The following DCTN4 variants were observed in gnomAD, a reference collection of about 807,000 sequenced individuals.
DCTN4 encodes dynactin 4 (p62).
In DCTN4, 23 loss-of-function variants were observed where a neutral mutation model predicts 62.7. That is an observed-to-expected ratio of 0.37 (90% CI 0.26 to 0.52). The LOEUF (loss-of-function observed/expected upper bound fraction) is 0.52. Among genes scored for constraint, DCTN4 ranks in the 20% least tolerant of loss-of-function variants. DCTN4 has a pLI of 0.92. For missense variants in DCTN4, 514 were observed against 580.4 expected (o/e 0.89, Z 1.18); for synonymous variants, 199 against 202.1 (o/e 0.98, Z 0.13).
rs1259666839 is a variant in DCTN4 at position 150,758,976 on chromosome 5, C to T, written c.18G>A (p.Gln6=). 4 of 1,614,016 alleles carry T rather than the reference C, an allele frequency of 2.5e-6. No individual in the cohort carries two copies. Among genetic ancestry groups the T allele is most frequent in the East Asian group, 2.2e-5 (1 of 44,892 alleles). MASLL[Q]SDRVLYLVQG... is the part of the protein sequence containing the mutation. Reference sequence around the variant, plus strand: ...GGACTAGATAGAGAACCCGGTCCGACTGCAGCAAGGACGCCATCTTGGGGA... The same window carrying T: ...GGACTAGATAGAGAACCCGGTCCGATTGCAGCAAGGACGCCATCTTGGGGA... Residue 6 remains glutamine (Q), a synonymous_variant, in exon 1 of 13, where the codon CAG becomes CAA. Transcript: ENST00000447998.
At chr5:150,747,582 C>G (rs1358472168) in intron 3 of DCTN4, among the ~76,000 whole-genome samples, 13 of 152,074 alleles carry the variant, frequency 8.5e-5, no homozygotes, top group African/African-American at 3.1e-4. Flanking sequence ...GTACTGGTAC[C>G]AAAACAGAGA....
chr5:150,718,717 G>C (rs1023316666), intron 10 of DCTN4, among the ~76,000 whole-genome samples: 1 of 152,092 alleles, frequency 6.6e-6, no homozygotes, highest in South Asian at 2.1e-4. Context: ...GACTGAAAAG[G>C]AGGCCCTCAT....
chr5:150,730,610 T>TAAGA (rs1401184867), intron 8 of DCTN4, 21 bp downstream of exon 8: 1 of 1,604,922 alleles, frequency 6.2e-7, no homozygotes, highest in Non-Finnish European at 8.5e-7. Flanking sequence ...AAATGGTCAG[T>TAAGA]CTACAGAATG....
At chr5:150,740,143 G>A (rs1199392402) in intron 4 of DCTN4, among the ~76,000 whole-genome samples, 1 of 152,136 alleles carries the variant, frequency 6.6e-6, no homozygotes, top group Non-Finnish European at 1.5e-5. Flanking sequence ...AGCCCATAGA[G>A]TGGGAGAAAA....
intron 8 of DCTN4, among the ~76,000 whole-genome samples, chr5:150,727,877 T>G (rs1458241596): frequency 1.3e-5 from 2 of 151,242 alleles, no homozygotes; most frequent in East Asian, 3.9e-4. Context: ...TTCAGCTAAA[T>G]AAAGCATTTT....
rs550847723 is a variant in DCTN4, at chr5:150,733,273, C to T, written c.537+95G>A. The T allele has an allele frequency of 1.4e-5, 11 of 782,146 alleles. No homozygotes were observed. The African/African-American group carries it at 1.9e-4, about 14-fold the overall frequency. 48.5% of individuals were successfully genotyped at this position (782,146 alleles called of 1,614,324 possible). ...GAAGAATCCCTCTCTCTGATATCCACCATTCAGGAATCTAGGACAATGGCC... is the reference window on the plus strand; with the variant it reads ...GAAGAATCCCTCTCTCTGATATCCATCATTCAGGAATCTAGGACAATGGCC... On this transcript the variant is annotated intron_variant, in intron 5 of 12. Transcript: ENST00000447998.
intron 4 of DCTN4, among the ~76,000 whole-genome samples, chr5:150,735,150 G>GT (rs1760529148): frequency 6.6e-6 from 1 of 152,174 alleles, no homozygotes; most frequent in African/African-American, 2.4e-5. Flanking sequence ...GGGCAAGCTT[G>GT]TATCCCCACC....
chr5:150,755,161 A>G (rs1010588186), intron 2 of DCTN4, among the ~76,000 whole-genome samples: 41 of 152,348 alleles, frequency 2.7e-4, no homozygotes, highest in African/African-American at 9.9e-4. Flanking sequence ...AAATAAATAA[A>G]GTAGTATTGG....
intron 3 of DCTN4, among the ~76,000 whole-genome samples, chr5:150,747,026 A>G (rs1033440369): frequency 1.3e-5 from 2 of 152,150 alleles, no homozygotes; most frequent in Non-Finnish European, 2.9e-5. Context: ...ACATGATTGT[A>G]TATCTAGAAA....
chr5:150,736,329 C>G (rs1405468592), intron 4 of DCTN4: 7 of 152,182 alleles, frequency 4.6e-5, no homozygotes, highest in African/African-American at 1.2e-4. Flanking sequence ...AAAGTCAAGA[C>G]AAAGGAAAGA....
At chr5:150,722,378 G>C (rs1759985493) in intron 9 of DCTN4, among the ~76,000 whole-genome samples, 1 of 152,186 alleles carries the variant, frequency 6.6e-6, no homozygotes, top group Non-Finnish European at 1.5e-5. Context: ...TTAAGTGGCA[G>C]TATTTGTCTC....
At chr5:150,731,340 T>G in intron 6 of DCTN4, 76 bp downstream of exon 6, 1 of 1,230,124 alleles carries the variant, frequency 8.1e-7, no homozygotes. Context: ...TGTGTGTGTG[T>G]GTTTTAATCT....
At chr5:150,731,886 C>G (rs1581581434) in intron 5 of DCTN4, 2 of 1,551,538 alleles carry the variant, frequency 1.3e-6, no homozygotes, top group Non-Finnish European at 1.7e-6. Flanking sequence ...GAGAACTTAC[C>G]ACTACATGAA....
At chr5:150,751,076 A>ATTG (rs1442964568) in intron 3 of DCTN4, among the ~76,000 whole-genome samples, 2 of 152,170 alleles carry the variant, frequency 1.3e-5, no homozygotes, top group Non-Finnish European at 2.9e-5. Flanking sequence ...ATATTTTTAA[A>ATTG]CGTCTGAATA....
intron 2 of DCTN4, among the ~76,000 whole-genome samples, chr5:150,756,093 G>A (rs1037944922): frequency 6.8e-6 from 1 of 148,034 alleles, no homozygotes; most frequent in African/African-American, 2.5e-5. Context: ...CCAGGCTGGA[G>A]TGCAGTGGCA....
At position 150,753,538 on chromosome 5, in the gene DCTN4, A is replaced by T; in HGVS notation, c.326T>A (p.Leu109Gln). Reference protein sequence around the residue: ...AKTTMKKAYYLACGFCRWTSR... With the variant: ...AKTTMKKAYYQACGFCRWTSR... ...CGTCCAGCGACAAAATCCACATGCC[A>T]GGTAATAGGCTTTCTTCATGGTGGT... Residue 109 changes from leucine to glutamine, a missense_variant, in exon 3 of 13, where the codon CTG (leucine) becomes CAG (glutamine). Leu to Gln is a moderately radical substitution (Grantham distance 113). Coordinates refer to ENST00000447998, the MANE Select transcript of DCTN4 (RefSeq NM_016221.4). 1 of 1,614,188 alleles carries T rather than the reference A, an allele frequency of 6.2e-7. No homozygotes were observed. The highest frequency in any genetic ancestry group is 8.5e-7 in the Non-Finnish European group (1 of 1,180,024).
At chr5:150,730,550 T>C in intron 8 of DCTN4, 81 bp downstream of exon 8, 1 of 1,233,228 alleles carries the variant, frequency 8.1e-7, no homozygotes, top group Non-Finnish European at 1.2e-6. Context: ...TCCAAAGGTT[T>C]TGACATTAGT....
intron 4 of DCTN4, among the ~76,000 whole-genome samples, chr5:150,737,174 T>C (rs1469222573): frequency 6.6e-6 from 1 of 152,140 alleles, no homozygotes; most frequent in Non-Finnish European, 1.5e-5. Flanking sequence ...AGTGGGGGAC[T>C]TCAACGCTCC....
intron 8 of DCTN4, among the ~76,000 whole-genome samples, chr5:150,727,339 T>C (rs562805229): frequency 6.6e-6 from 1 of 152,356 alleles, no homozygotes; most frequent in East Asian, 1.9e-4. Context: ...TGTGATAAAC[T>C]TCCAGACATG....
Sources: gnomAD v4.1 joint callset for allele counts (sites outside exome capture counted in the v4.1 genomes callset) on GRCh38, gnomAD v4.1.1 for gene constraint, MANE v1.5 for transcripts, NCBI Gene and HGNC (gene_info 2026-07-23, HGNC 2026-07-21) for gene names.